OGDH: variants seen among roughly 807,000 people sequenced by gnomAD.
OGDH encodes the protein oxoglutarate dehydrogenase.
Under a neutral mutation model 116.6 loss-of-function variants are expected in OGDH, and 38 were observed. The ratio of observed to expected loss-of-function variants is 0.33; its 90% CI spans 0.25 to 0.43. OGDH has a LOEUF of 0.43. Among genes scored for constraint, OGDH ranks in the 20% least tolerant of loss-of-function variants. The probability of loss-of-function intolerance (pLI) is 1.00; values close to 1 mark genes in which losing one functional copy is unlikely to be tolerated. For synonymous variants in OGDH, 488 were observed against 533.3 expected (o/e 0.92, Z 1.17); for missense variants, 825 against 1,357.2 (o/e 0.61, Z 6.16).
intron 1 of OGDH, among the ~76,000 whole-genome samples, chr7:44,608,233 G>A (rs1255121891): frequency 2.0e-5 from 3 of 151,898 alleles, no homozygotes; most frequent in Non-Finnish European, 2.9e-5. Flanking sequence ...GATACCCGGC[G>A]TCTACAAAAA....
intron 10 of OGDH, among the ~76,000 whole-genome samples, chr7:44,691,981 TAAAA>T (rs371665967): frequency 3.3e-4 from 34 of 102,594 alleles, no homozygotes; most frequent in African/African-American, 7.5e-4. Context: ...GACTCTGTCT[TAAAA>T]AAAAAAAAAA....
Position 44,625,743 on chromosome 7 carries a change from A to G in OGDH, c.222+1178A>G, listed in dbSNP as rs568114001. ...TGAATCTTGGGGGCTTATCACCAAAAGGAAGTCTGCTTCCACTGGGCTCCT... is the reference window on the plus strand; with the variant it reads ...TGAATCTTGGGGGCTTATCACCAAAGGGAAGTCTGCTTCCACTGGGCTCCT... On this transcript the variant is annotated intron_variant, in intron 2 of 22. Coordinates refer to ENST00000222673, the MANE Select transcript of OGDH (RefSeq NM_002541.4). Among the ~76,000 whole-genome samples the G allele has an allele frequency of 3.3e-5, 5 of 152,310 alleles. No homozygotes were observed. In the South Asian group the frequency reaches 1.0e-3, roughly 32 times the overall value.
rs1349297129 is a variant in OGDH, at chr7:44,653,878, G to A, written c.517+6119G>A. Reference sequence around the variant, plus strand: ...ATTTTATTTTATTTTTTTTTGAGACGGAGTCTCGCTCTGTTGCCCAGGCTG... The same window carrying A: ...ATTTTATTTTATTTTTTTTTGAGACAGAGTCTCGCTCTGTTGCCCAGGCTG... On this transcript the variant is annotated intron_variant, in intron 4 of 22. Coordinates refer to ENST00000222673, the MANE Select transcript of OGDH (RefSeq NM_002541.4). Among the ~76,000 whole-genome samples, 5 of 144,770 alleles carry A rather than the reference G, an allele frequency of 3.5e-5. No homozygotes were observed. The South Asian group carries it at 8.8e-4, about 26-fold the overall frequency. 95.0% of individuals were successfully genotyped at this position (144,770 alleles called of 152,430 possible). A position where few individuals can be genotyped will look rare whatever the true frequency, so the allele number is the denominator to read the frequency against.
intron 1 of OGDH, among the ~76,000 whole-genome samples, chr7:44,607,062 G>T (rs1415736603): frequency 1.3e-5 from 2 of 152,198 alleles, no homozygotes; most frequent in African/African-American, 4.8e-5. Flanking sequence ...GCTCTCCGAC[G>T]GCGTCCTTCC....
rs563523888 is a variant in OGDH at position 44,708,510 on chromosome 7, CT to C, written c.*512del. 3.4e-3 allele frequency: 525 copies of C among 153,970 alleles called. 1 individual carries two copies. Among genetic ancestry groups the C allele is most frequent in the Non-Finnish European group, 6.1e-3 (420 of 69,300 alleles). 9.5% of individuals were successfully genotyped at this position (153,970 alleles called of 1,614,324 possible). A position where few individuals can be genotyped will look rare whatever the true frequency, so the allele number is the denominator to read the frequency against. ...GGGTGGGCCCCAGCCGTGGCGTGAA[CT>C]GAGGATGACCCGGGGCAGCTGGCAG... On this transcript the variant is annotated 3_prime_UTR_variant, in exon 23 of 23. Coordinates refer to ENST00000222673, the MANE Select transcript of OGDH (RefSeq NM_002541.4).
chr7:44,611,903 T>TA (rs1057266156), intron 1 of OGDH, among the ~76,000 whole-genome samples: 6 of 152,082 alleles, frequency 3.9e-5, no homozygotes, highest in Admixed American at 2.0e-4. Flanking sequence ...ATCAAATAGA[T>TA]ATTCTAAAAG....
Position 44,675,269 on chromosome 7 carries a change from G to A in OGDH, c.1026+1G>A, listed in dbSNP as rs1442459831. 1 of 1,613,072 alleles carries A rather than the reference G, an allele frequency of 6.2e-7. No homozygotes were observed. The highest frequency in any genetic ancestry group is 1.1e-5 in the South Asian group (1 of 91,018). Reference sequence around the variant, plus strand: ...TTCAAAGCTGGAGGCAGCTGATGAGGTGAGGCACCTGCATAGAGACACATC... The same window carrying A: ...TTCAAAGCTGGAGGCAGCTGATGAGATGAGGCACCTGCATAGAGACACATC... On this transcript the variant is annotated splice_donor_variant, in intron 8 of 22. Coordinates refer to ENST00000222673, the MANE Select transcript of OGDH (RefSeq NM_002541.4). LOFTEE classifies it high-confidence loss of function.
In OGDH at chr7:44,671,572, G is replaced by A. The variant is rs979292066; in HGVS notation, c.634-2215G>A. ...AGGTCAGGAGATCGAGACCATCCTG[G>A]CTAACACGGTGAAACCCCGTCTCTA... On this transcript the variant is annotated intron_variant, in intron 5 of 22. Coordinates refer to ENST00000222673, the MANE Select transcript of OGDH (RefSeq NM_002541.4). 2.1e-4 allele frequency among the ~76,000 whole-genome samples: 31 copies of A among 150,950 alleles called. 1 individual carries two copies. Among genetic ancestry groups the A allele is most frequent in the Non-Finnish European group, 8.8e-5 (6 of 67,816 alleles).
chr7:44,683,177 AAAG>A (rs1225104378), intron 10 of OGDH, among the ~76,000 whole-genome samples: 1 of 152,136 alleles, frequency 6.6e-6, no homozygotes, highest in Admixed American at 6.6e-5. Flanking sequence ...AATAAATAAA[AAAG>A]AAAAAAATAG....
rs145193107 is a variant in OGDH at position 44,668,573 on chromosome 7, T to G, written c.633+1722T>G. On this transcript the variant is annotated intron_variant, in intron 5 of 22. Coordinates refer to ENST00000222673, the MANE Select transcript of OGDH (RefSeq NM_002541.4). The stretch of plus-strand genomic sequence containing the variant: ...TCCTCACTTGTTGAGGAGAAAGGGG[T>G]AGAAACCAGAACTATGTGCCAGCAT... Among the ~76,000 whole-genome samples, 76 of 152,274 alleles carry G rather than the reference T, an allele frequency of 5.0e-4. 1 individual carries two copies. Among genetic ancestry groups the G allele is most frequent in the African/African-American group, 1.8e-3 (74 of 41,552 alleles).
At chr7:44,613,054 T>G (rs1784627972) in intron 1 of OGDH, among the ~76,000 whole-genome samples, 2 of 151,638 alleles carry the variant, frequency 1.3e-5, no homozygotes, top group South Asian at 2.1e-4. Context: ...TTTTTTGTAT[T>G]TTTAGTAGAG....
chr7:44,703,962 A>C lies in OGDH; in HGVS notation c.2632+2347A>C, dbSNP rs1047595588. ...TGCTCATCCATTCATCTGTCGATGGACACTTGGGTTGCTTCCATGTTTCAG... is the reference window on the plus strand; with the variant it reads ...TGCTCATCCATTCATCTGTCGATGGCCACTTGGGTTGCTTCCATGTTTCAG... On this transcript the variant is annotated intron_variant, in intron 20 of 22. Coordinates refer to ENST00000222673, the MANE Select transcript of OGDH (RefSeq NM_002541.4). Among the ~76,000 whole-genome samples the C allele has an allele frequency of 7.2e-5, 11 of 152,254 alleles. No homozygotes were observed. In the East Asian group the frequency reaches 2.1e-3, roughly 29 times the overall value.
In OGDH at chr7:44,667,028, C is replaced by G. The variant is rs138280512; in HGVS notation, c.633+177C>G. 2.4e-3 allele frequency among the ~76,000 whole-genome samples: 371 copies of G among 152,188 alleles called. 1 individual carries two copies. Among genetic ancestry groups the G allele is most frequent in the African/African-American group, 8.6e-3 (358 of 41,508 alleles). ...AGTGACACAGTTTGGCTCACTGCAG[C>G]CTTGACCTCCCAGTCTCAAACCATC... On this transcript the variant is annotated intron_variant, in intron 5 of 22. Coordinates refer to ENST00000222673, the MANE Select transcript of OGDH (RefSeq NM_002541.4).
intron 3 of OGDH, among the ~76,000 whole-genome samples, chr7:44,646,846 T>G (rs949765755): frequency 1.3e-5 from 2 of 152,194 alleles, no homozygotes; most frequent in Non-Finnish European, 2.9e-5. Context: ...GGATATATAA[T>G]AAAGGCAAAC....
At chr7:44,681,591 C>T in intron 9 of OGDH, 129 bp from the exon 10 acceptor site, 1 of 1,319,744 alleles carries the variant, frequency 7.6e-7, no homozygotes, top group South Asian at 1.4e-5. Flanking sequence ...GACTTTCCTG[C>T]TACTTTCTAT....
intron 2 of OGDH, among the ~76,000 whole-genome samples, chr7:44,641,225 CTTTTTTTTTTTTTTTTT>C (rs1372992378): frequency 4.9e-5 from 4 of 81,644 alleles, no homozygotes; most frequent in Non-Finnish European, 9.7e-5. Context: ...TTTTTTTTTT[CTTTTTTTTTTTTTTTTT>C]GGAAACAGGG....
chr7:44,617,121 C>T (rs1382716417), intron 1 of OGDH, among the ~76,000 whole-genome samples: 15 of 150,938 alleles, frequency 9.9e-5, no homozygotes, highest in African/African-American at 3.2e-4. Flanking sequence ...TTAGTAGAGG[C>T]GGGGTTTCAG....
At chr7:44,686,353 A>G (rs556700209) in intron 10 of OGDH, among the ~76,000 whole-genome samples, 49 of 152,310 alleles carry the variant, frequency 3.2e-4, no homozygotes, top group Non-Finnish European at 6.3e-4. Context: ...GACAGTATAT[A>G]TAATGAATGG....
At chr7:44,616,997 C>A (rs569465048) in intron 1 of OGDH, among the ~76,000 whole-genome samples, 117 of 142,220 alleles carry the variant, frequency 8.2e-4, no homozygotes, top group Non-Finnish European at 1.6e-3. Flanking sequence ...TGCAGTGGCG[C>A]GATCTCGGCT....
Sources: allele counts gnomAD v4.1 joint callset (sites outside exome capture counted in the v4.1 genomes callset), GRCh38; gene constraint gnomAD v4.1.1; transcripts MANE v1.5; gene names NCBI Gene and HGNC (gene_info 2026-07-23, HGNC 2026-07-21).